Variants in LDLRAD4 observed in about 807,000 individuals in gnomAD.
The protein encoded by LDLRAD4 is low density lipoprotein receptor class A domain containing 4, also known as low-density lipoprotein receptor class A domain-containing protein 4.
A neutral mutation model predicts 17.0 loss-of-function variants in LDLRAD4; 5 were observed. The ratio of observed to expected loss-of-function variants is 0.29; its 90% CI spans 0.15 to 0.62. The LOEUF is 0.62. Ranked by LOEUF, LDLRAD4 falls within the 20% of genes least tolerant of loss-of-function variation. The probability of loss-of-function intolerance (pLI) is 0.84; values close to 1 mark genes in which losing one functional copy is unlikely to be tolerated. For synonymous variants in LDLRAD4, 168 were observed against 171.8 expected (o/e 0.98, Z 0.17); for missense variants, 340 against 424.7 (o/e 0.80, Z 1.75).
At chr18:13,634,187 A>G (rs915204177) in intron 4 of LDLRAD4, among the ~76,000 whole-genome samples, 1 of 152,228 alleles carries the variant, frequency 6.6e-6, no homozygotes, top group Non-Finnish European at 1.5e-5. Context: ...TCTGTTCAAC[A>G]TAGTATTAAT....
chr18:13,631,772 C>T (rs1023984126), intron 4 of LDLRAD4, among the ~76,000 whole-genome samples: 22 of 151,982 alleles, frequency 1.4e-4, no homozygotes, highest in Middle Eastern at 3.4e-3. Context: ...ACTAAAAATA[C>T]GAAAATTAAC....
intron 1 of LDLRAD4, among the ~76,000 whole-genome samples, chr18:13,288,808 CG>C (rs565481332): frequency 8.4e-6 from 1 of 119,156 alleles, no homozygotes; most frequent in African/African-American, 2.8e-5. Context: ...AGGTGAGTCA[CG>C]GGGCCACGGT....
In LDLRAD4 at chr18:13,502,308, G is replaced by A. The variant is rs142182440; in HGVS notation, c.181+63924G>A. Among the ~76,000 whole-genome samples, 64 of 152,310 alleles carry A rather than the reference G, an allele frequency of 4.2e-4. No individual in the cohort carries two copies. In the East Asian group the frequency reaches 0.011, roughly 25 times the overall value. Reference sequence around the variant, plus strand: ...ACTAGCCTCTGTGCTGGTCCTGACCGATTCACCAGCTCTTGGGACTGTGTC... The same window carrying A: ...ACTAGCCTCTGTGCTGGTCCTGACCAATTCACCAGCTCTTGGGACTGTGTC... On this transcript the variant is annotated intron_variant, in intron 3 of 5. Coordinates refer to ENST00000359446, the Ensembl canonical transcript of LDLRAD4.
At chr18:13,409,582 A>T (rs1380505963) in intron 2 of LDLRAD4, among the ~76,000 whole-genome samples, 3 of 152,212 alleles carry the variant, frequency 2.0e-5, no homozygotes, top group Non-Finnish European at 4.4e-5. Context: ...TAGTTTCTAG[A>T]ACATATGCCA....
At chr18:13,473,056 A>G (rs2146795531) in intron 3 of LDLRAD4, among the ~76,000 whole-genome samples, 1 of 152,320 alleles carries the variant, frequency 6.6e-6, no homozygotes, top group East Asian at 1.9e-4. Context: ...CTTTATGGGA[A>G]TACACTGAGA....
At chr18:13,259,599 A>G (rs1232407084) in intron 1 of LDLRAD4, among the ~76,000 whole-genome samples, 4 of 152,170 alleles carry the variant, frequency 2.6e-5, no homozygotes, top group African/African-American at 9.7e-5. Flanking sequence ...ATATATATGT[A>G]TGTAAAGCAT....
At chr18:13,306,121 A>G (rs934489916) in intron 1 of LDLRAD4, among the ~76,000 whole-genome samples, 23 of 152,254 alleles carry the variant, frequency 1.5e-4, no homozygotes, top group Admixed American at 1.4e-3. Flanking sequence ...AGGTTTATAA[A>G]TGCAGATGAA....
At chr18:13,397,086 G>C (rs1361412753) in intron 2 of LDLRAD4, among the ~76,000 whole-genome samples, 3 of 152,196 alleles carry the variant, frequency 2.0e-5, no homozygotes, top group African/African-American at 7.2e-5. Context: ...CGCCAACCCT[G>C]AGGGAGAGAC....
intron 3 of LDLRAD4, among the ~76,000 whole-genome samples, chr18:13,474,773 C>A (rs758433638): frequency 1.3e-5 from 2 of 152,204 alleles, no homozygotes; most frequent in Non-Finnish European, 2.9e-5. Context: ...AACAAAAGGT[C>A]TTTGTCTCCC....
At chr18:13,354,077 T>C (rs1331823988) in intron 1 of LDLRAD4, among the ~76,000 whole-genome samples, 1 of 152,288 alleles carries the variant, frequency 6.6e-6, no homozygotes, top group East Asian at 1.9e-4. Flanking sequence ...GGCATGGTGG[T>C]GCACACCTGT....
At chr18:13,248,911 A>T (rs377347577) in intron 1 of LDLRAD4, among the ~76,000 whole-genome samples, 2 of 151,930 alleles carry the variant, frequency 1.3e-5, no homozygotes, top group African/African-American at 4.8e-5. Flanking sequence ...TTTCCCTACA[A>T]CCCTTCCCAA....
chr18:13,448,783 A>G (rs765682938), intron 3 of LDLRAD4, among the ~76,000 whole-genome samples: 2 of 152,178 alleles, frequency 1.3e-5, no homozygotes, highest in Non-Finnish European at 2.9e-5. Flanking sequence ...AAAGGGTACT[A>G]CGGTGAAACT....
At chr18:13,235,905 C>G (rs917501997) in intron 1 of LDLRAD4, among the ~76,000 whole-genome samples, 1 of 152,178 alleles carries the variant, frequency 6.6e-6, no homozygotes. Flanking sequence ...AAATAGAGGT[C>G]TTGGCATATA....
At chr18:13,493,113 T>C (rs2093392588) in intron 3 of LDLRAD4, among the ~76,000 whole-genome samples, 1 of 151,850 alleles carries the variant, frequency 6.6e-6, no homozygotes, top group Admixed American at 6.6e-5. Context: ...AAAGATCTTG[T>C]CTTAAAAAAA....
chr18:13,266,036 G>A (rs1397237298), intron 1 of LDLRAD4, among the ~76,000 whole-genome samples: 1 of 152,140 alleles, frequency 6.6e-6, no homozygotes, highest in African/African-American at 2.4e-5. Flanking sequence ...TTAAAAATAC[G>A]GATTCCTGGA....
chr18:13,480,513 C>T (rs2093056241), intron 3 of LDLRAD4, among the ~76,000 whole-genome samples: 2 of 152,142 alleles, frequency 1.3e-5, no homozygotes, highest in Admixed American at 1.3e-4. Context: ...TTTGTCCAGA[C>T]CTGTGAGAAT....
chr18:13,569,245 G>C (rs969533298), intron 3 of LDLRAD4, among the ~76,000 whole-genome samples: 2 of 151,770 alleles, frequency 1.3e-5, no homozygotes, highest in African/African-American at 4.8e-5. Flanking sequence ...TCCCACGCTT[G>C]GGCCTCCCAG....
At chr18:13,459,371 G>GTTTTTT (rs71366053) in intron 3 of LDLRAD4, among the ~76,000 whole-genome samples, 1 of 148,106 alleles carries the variant, frequency 6.8e-6, no homozygotes, top group Non-Finnish European at 1.5e-5. Context: ...AACATTTGGT[G>GTTTTTT]TTTTTTTTTT....
rs1341546590 is a variant in LDLRAD4 at position 13,439,769 on chromosome 18, G to A, written c.181+1385G>A. On this transcript the variant is annotated intron_variant, in intron 3 of 5. Transcript: ENST00000359446. Reference sequence around the variant, plus strand: ...GGTCAGGATGGGGGACTGGGAGCTGGGTGAGCACCTCCCTGAGGATGAGCA... The same window carrying A: ...GGTCAGGATGGGGGACTGGGAGCTGAGTGAGCACCTCCCTGAGGATGAGCA... Among the ~76,000 whole-genome samples the A allele has an allele frequency of 2.6e-5, 4 of 152,180 alleles. No individual in the cohort carries two copies. The South Asian group carries it at 6.2e-4, about 24-fold the overall frequency.
Sources: gnomAD v4.1 joint callset for allele counts (sites outside exome capture counted in the v4.1 genomes callset) on GRCh38, gnomAD v4.1.1 for gene constraint, MANE v1.5 for transcripts, NCBI Gene and HGNC (gene_info 2026-07-23, HGNC 2026-07-21) for gene names.